WFDC3: variants seen among roughly 807,000 people sequenced by gnomAD.
WFDC3 encodes the protein WAP four-disulfide core domain 3.
WFDC3 carries 15 observed loss-of-function variants against 25.8 expected under a neutral mutation model. The observed-to-expected ratio is 0.58, with a 90% CI of 0.39 to 0.89. WFDC3 has a LOEUF of 0.89. Ranked by LOEUF, WFDC3 falls within the 40% of genes least tolerant of loss-of-function variation. The pLI, the probability that WFDC3 is intolerant of heterozygous loss-of-function variation, is 0.00. For missense variants in WFDC3, 264 were observed against 289.8 expected, an observed-to-expected ratio of 0.91 and a Z score of 0.65; for synonymous variants, 103 against 107.1, an observed-to-expected ratio of 0.96 and a Z score of 0.24.
chr20:45,780,063 C>CTTT (rs3080097), intron 4 of WFDC3, among the ~76,000 whole-genome samples: 22 of 88,570 alleles, frequency 2.5e-4, no homozygotes, highest in African/African-American at 5.2e-4. Flanking sequence ...GCCTTTATAC[C>CTTT]TTTTTTTTTT....
intron 1 of WFDC3, 177 bp from the exon 2 acceptor site, chr20:45,790,159 G>A (rs1160947160): frequency 2.3e-5 from 12 of 529,648 alleles, no homozygotes. Context: ...GGCTGCTGGA[G>A]TGTGGGAAAA....
At chr20:45,791,173 CTTTTTTTTTTT>C (rs71181859) in intron 1 of WFDC3, among the ~76,000 whole-genome samples, 1 of 63,894 alleles carries the variant, frequency 1.6e-5, no homozygotes, top group Non-Finnish European at 2.8e-5. Flanking sequence ...GCCTAATATG[CTTTTTTTTTTT>C]TTTTTTTTTT....
chr20:45,789,106 A>G, intron 2 of WFDC3, 47 bp from the exon 3 acceptor site: 1 of 1,607,172 alleles, frequency 6.2e-7, no homozygotes, highest in Non-Finnish European at 8.5e-7. Context: ...CAGGCCTCAG[A>G]AATGGGGAAT....
intron 4 of WFDC3, among the ~76,000 whole-genome samples, chr20:45,782,778 A>G (rs1002494472): frequency 2.6e-5 from 4 of 152,102 alleles, no homozygotes; most frequent in African/African-American, 9.7e-5. Flanking sequence ...TCCATCTTCT[A>G]CACTTGCCCC....
At position 45,777,094 on chromosome 20, in the gene WFDC3, G is replaced by A. The variant is rs769823265; in HGVS notation, c.474C>T (p.Cys158=). The change falls in exon 5 of 7, where the codon TGC becomes TGT. Residue 158 remains cysteine (C), a synonymous_variant. Coordinates refer to ENST00000243938, the MANE Select transcript of WFDC3 (RefSeq NM_080614.2). ...ACATACCTCCCTCAATGTCTCCGAGGCAGGTGCGGCCACAGCCGGTGCTGC... is the reference window on the plus strand; with the variant it reads ...ACATACCTCCCTCAATGTCTCCGAGACAGGTGCGGCCACAGCCGGTGCTGC... ...KCCSTGCGRT[C]LGDIEGGRGG... 1.9e-6 allele frequency: 3 copies of A among 1,612,842 alleles called. No individual in the cohort carries two copies. In the South Asian group the frequency reaches 3.3e-5, roughly 18 times the overall value.
In WFDC3 at chr20:45,777,096, AGGTGCGGCCACAGCC is replaced by A; in HGVS notation, c.457_471del (p.Gly153_Thr157del). 1 of 1,612,840 alleles carries A rather than the reference AGGTGCGGCCACAGCC, an allele frequency of 6.2e-7. No homozygotes were observed. The highest frequency in any genetic ancestry group is 8.5e-7 in the Non-Finnish European group (1 of 1,179,542). ...ATACCTCCCTCAATGTCTCCGAGGC[AGGTGCGGCCACAGCC>A]GGTGCTGCAGCATTTATGCCCCTGG... On this transcript the variant is annotated inframe_deletion, in exon 5 of 7. Transcript: ENST00000243938.
intron 5 of WFDC3, among the ~76,000 whole-genome samples, chr20:45,776,635 A>ATATAT (rs1219644731): frequency 1.1e-5 from 1 of 92,938 alleles, no homozygotes; most frequent in Non-Finnish European, 2.1e-5. Flanking sequence ...AAAAAAAAAA[A>ATATAT]ATATATATAT....
At position 45,776,318 on chromosome 20, in the gene WFDC3, G is replaced by GTGTGTGTGTGTGTGTGTGTGTGTGTA. The variant is rs58644271; in HGVS notation, c.494-717_494-716insTACACACACACACACACACACACACA. Reference sequence around the variant, plus strand: ...TGTGTGTGTGTGTGTGTGTGTGTGTGTGTTTCCAGCTGGGCGTGGTGGCTC... The same window carrying GTGTGTGTGTGTGTGTGTGTGTGTGTA: ...TGTGTGTGTGTGTGTGTGTGTGTGTGTGTGTGTGTGTGTGTGTGTGTGTGTATGTTTCCAGCTGGGCGTGGTGGCTC... On this transcript the variant is annotated intron_variant, in intron 5 of 6. Transcript: ENST00000243938. Among the ~76,000 whole-genome samples, 76 of 139,894 alleles carry GTGTGTGTGTGTGTGTGTGTGTGTGTA rather than the reference G, an allele frequency of 5.4e-4. 4 individuals are homozygous for GTGTGTGTGTGTGTGTGTGTGTGTGTA. The highest frequency in any genetic ancestry group is 8.1e-4 in the Non-Finnish European group (52 of 64,184). 91.8% of individuals were successfully genotyped at this position (139,894 alleles called of 152,430 possible). A position where few individuals can be genotyped will look rare whatever the true frequency, so the allele number is the denominator to read the frequency against.
intron 4 of WFDC3, among the ~76,000 whole-genome samples, chr20:45,777,988 TC>T (rs1980274479): frequency 6.6e-6 from 1 of 152,178 alleles, no homozygotes; most frequent in Non-Finnish European, 1.5e-5. Flanking sequence ...GAACTTTACC[TC>T]CTGGGATTCA....
At chr20:45,791,175 T>A (rs1980960351) in intron 1 of WFDC3, among the ~76,000 whole-genome samples, 2 of 26,860 alleles carry the variant, frequency 7.4e-5, no homozygotes, top group Admixed American at 1.1e-3. Context: ...CTAATATGCT[T>A]TTTTTTTTTT....
intron 1 of WFDC3, 25 bp downstream of exon 1, chr20:45,791,807 G>A (rs1018507867): frequency 6.3e-5 from 25 of 394,614 alleles, no homozygotes; most frequent in African/African-American, 4.5e-4. Flanking sequence ...CCTCCCGAGA[G>A]GAAGCCCCAA....
intron 2 of WFDC3, among the ~76,000 whole-genome samples, 166 bp downstream of exon 2, chr20:45,789,728 G>T (rs1980860030): frequency 6.6e-6 from 1 of 152,104 alleles, no homozygotes. Flanking sequence ...AAGCCAGGAA[G>T]AATGACCCAG....
At chr20:45,775,317 G>A in intron 6 of WFDC3, 100 bp downstream of exon 6, 2 of 1,479,096 alleles carry the variant, frequency 1.4e-6, no homozygotes, top group Non-Finnish European at 1.8e-6. Context: ...TCTCCAACTA[G>A]ACTTTTCCTG....
chr20:45,775,538 C>A lies in WFDC3; in HGVS notation c.558G>T (p.Glu186Asp), dbSNP rs370827055. 1 of 1,614,082 alleles carries A rather than the reference C, an allele frequency of 6.2e-7. No homozygotes were observed. The highest frequency in any genetic ancestry group is 8.5e-7 in the Non-Finnish European group (1 of 1,180,054). Residue 186 changes from glutamate to aspartate, a missense_variant, in exon 6 of 7, where the codon GAG becomes GAT. Glu to Asp is a conservative substitution (Grantham distance 45). Transcript: ENST00000243938. ...GLCIVGCVMD[E>D]NCQAGEKCCK... The stretch of plus-strand genomic sequence containing the variant: ...AACATTTTTCTCCAGCTTGACAATT[C>A]TCATCCATCACACAGCCAACAATGC...
At chr20:45,786,058 G>A (rs1482712717) in intron 4 of WFDC3, among the ~76,000 whole-genome samples, 3 of 152,170 alleles carry the variant, frequency 2.0e-5, no homozygotes, top group Non-Finnish European at 2.9e-5. Context: ...TCTCCAGGTT[G>A]CAGCTTAAAT....
chr20:45,775,886 G>T (rs1225286306), intron 5 of WFDC3, among the ~76,000 whole-genome samples: 2 of 152,048 alleles, frequency 1.3e-5, no homozygotes, highest in African/African-American at 4.8e-5. Flanking sequence ...TGGGTGAAGT[G>T]TGGCAGGGGC....
chr20:45,775,275 T>G, intron 6 of WFDC3, 142 bp downstream of exon 6: 3 of 1,178,014 alleles, frequency 2.5e-6, no homozygotes, highest in South Asian at 1.5e-5. Flanking sequence ...ACTGTTTGTA[T>G]GAGGGTTTTC....
In WFDC3 at chr20:45,777,087, C is replaced by T. The variant is rs754582881; in HGVS notation, c.481G>A (p.Asp161Asn). The T allele has an allele frequency of 2.2e-5, 35 of 1,612,710 alleles. No individual in the cohort carries two copies. The Admixed American group carries it at 3.0e-4, about 14-fold the overall frequency. The change falls in exon 5 of 7, where the codon GAC (aspartate) becomes AAC (asparagine). Residue 161 changes from aspartate (D) to asparagine (N), a missense_variant. Coordinates refer to ENST00000243938, the MANE Select transcript of WFDC3 (RefSeq NM_080614.2). ...STGCGRTCLG[D>N]IEGGRGGDCP... ...AGAGCCAACATACCTCCCTCAATGT[C>T]TCCGAGGCAGGTGCGGCCACAGCCG...
chr20:45,789,666 C>G (rs2145691950), intron 2 of WFDC3, among the ~76,000 whole-genome samples: 1 of 152,216 alleles, frequency 6.6e-6, no homozygotes, highest in South Asian at 2.1e-4. Context: ...AAGCTAGAAC[C>G]TCTAGTAAGC....
Sources: gnomAD v4.1 joint callset for allele counts (sites outside exome capture counted in the v4.1 genomes callset) on GRCh38, gnomAD v4.1.1 for gene constraint, MANE v1.5 for transcripts, NCBI Gene and HGNC (gene_info 2026-07-23, HGNC 2026-07-21) for gene names.